The following PUS7L variants were observed in gnomAD, a reference collection of about 807,000 sequenced individuals.
PUS7L encodes pseudouridine synthase 7 like.
A neutral mutation model predicts 51.1 loss-of-function variants in PUS7L; 49 were observed. The ratio of observed to expected loss-of-function variants is 0.96; its 90% CI spans 0.76 to 1.22. The LOEUF (loss-of-function observed/expected upper bound fraction) is 1.22. Among genes scored for constraint, PUS7L ranks in the 50% most tolerant of loss-of-function variants. PUS7L has a pLI of 0.00. For synonymous variants in PUS7L, 277 were observed against 276.2 expected, an observed-to-expected ratio of 1.00 and a Z score of -0.03; for missense variants, 828 against 820.6, an observed-to-expected ratio of 1.01 and a Z score of -0.11.
rs1341635862 is a variant in PUS7L at position 43,730,335 on chromosome 12, CAA to C, written c.*39_*40del. The C allele has an allele frequency of 1.3e-6, 2 of 1,499,378 alleles. No homozygotes were observed. Among genetic ancestry groups the C allele is most frequent in the South Asian group, 2.4e-5 (2 of 84,776 alleles). The allele number at this position is 1,499,378 out of a possible 1,614,324, so 92.9% of individuals were successfully genotyped here. On this transcript the variant is annotated 3_prime_UTR_variant, in exon 9 of 9. Transcript: ENST00000344862. ...TAAGACATTTTAGCCCCCTTTCCTTCAAAGAGTGACATATATATGGTTATACC... is the reference window on the plus strand; with the variant it reads ...TAAGACATTTTAGCCCCCTTTCCTTCAGAGTGACATATATATGGTTATACC...
At chr12:43,737,125 T>C (rs1937648480) in intron 6 of PUS7L, among the ~76,000 whole-genome samples, 1 of 152,206 alleles carries the variant, frequency 6.6e-6, no homozygotes, top group South Asian at 2.1e-4. Context: ...CACACTATTA[T>C]GCCTCACAAA....
intron 4 of PUS7L, among the ~76,000 whole-genome samples, chr12:43,744,001 C>T (rs1048573036): frequency 3.3e-5 from 5 of 152,106 alleles, no homozygotes; most frequent in African/African-American, 1.2e-4. Context: ...ATTCCTTTCT[C>T]ACATCATAAG....
chr12:43,733,759 G>A (rs1236624314), intron 7 of PUS7L, among the ~76,000 whole-genome samples: 2 of 151,926 alleles, frequency 1.3e-5, no homozygotes, highest in Non-Finnish European at 2.9e-5. Context: ...ATCAAAAGGG[G>A]ATCATTGACA....
chr12:43,747,300 T>C (rs1363972863), intron 3 of PUS7L, among the ~76,000 whole-genome samples: 1 of 152,236 alleles, frequency 6.6e-6, no homozygotes, highest in African/African-American at 2.4e-5. Flanking sequence ...GTCTATATGA[T>C]AGACATAATT....
rs148289543 is a variant in PUS7L at position 43,754,476 on chromosome 12, A to G, written c.770T>C (p.Val257Ala). The change falls in exon 2 of 9, where the codon GTG becomes GCG. Residue 257 changes from valine to alanine, a missense_variant. Val to Ala is a moderately conservative substitution (Grantham distance 64, BLOSUM62 0). Coordinates refer to ENST00000344862, the MANE Select transcript of PUS7L (RefSeq NM_031292.5). ...CATTTTAGAAAAAGATTTGGTTTCC[A>G]CAAGGTTTCCAAACTTTTTGTTGAC... ...HFVNKKFGNL[V>A]ETKSFSKMNC... 53 of 1,613,852 alleles carry G rather than the reference A, an allele frequency of 3.3e-5. No homozygotes were observed. In the African/African-American group the frequency reaches 6.9e-4, roughly 21 times the overall value.
rs144555108 is a variant in PUS7L, at chr12:43,738,342, A to G, written c.1412T>C (p.Val471Ala). Residue 471 changes from valine to alanine, a missense_variant, in exon 6 of 9, where the codon GTA becomes GCA. Physicochemically the swap from Val to Ala is moderately conservative, Grantham distance 64. Transcript: ENST00000344862. ...FLTPEDLDDP[V>A]NRAKKYFLQT... ...AAGAAAATACTTCTTTGCTCTATTT[A>G]CAGGATCATCCAAGTCTTCTGGTGT... The G allele has an allele frequency of 1.2e-4, 198 of 1,596,206 alleles. 1 individual carries two copies. The African/African-American group carries it at 2.4e-3, about 20-fold the overall frequency.
chr12:43,722,074 A>G lies in PUS7L; in HGVS notation c.*8302T>C, dbSNP rs535887201. The G allele has an allele frequency of 6.6e-6, 1 of 152,246 alleles. No homozygotes were observed. The highest frequency in any genetic ancestry group is 2.1e-4 in the South Asian group (1 of 4,830). The allele number at this position is 152,246 out of a possible 1,614,324, so 9.4% of individuals were successfully genotyped here. On this transcript the variant is annotated 3_prime_UTR_variant, in exon 9 of 9. Coordinates refer to ENST00000344862, the MANE Select transcript of PUS7L (RefSeq NM_031292.5). ...ACATGTACAAATATTCCAAAATCCAAACATATCTGAAATCTGAAACTTTTA... is the reference window on the plus strand; with the variant it reads ...ACATGTACAAATATTCCAAAATCCAGACATATCTGAAATCTGAAACTTTTA...
chr12:43,742,362 C>A, intron 5 of PUS7L, 95 bp downstream of exon 5: 1 of 791,750 alleles, frequency 1.3e-6, no homozygotes, highest in Non-Finnish European at 2.1e-6. Flanking sequence ...TGTTTACATG[C>A]ATTTATATGC....
intron 2 of PUS7L, 110 bp from the exon 3 acceptor site, chr12:43,748,719 T>C: frequency 1.4e-6 from 1 of 715,096 alleles, no homozygotes; most frequent in Non-Finnish European, 2.1e-6. Flanking sequence ...TAAGGAGTTT[T>C]GTTGTTGTTG....
rs1281143567 is a variant in PUS7L at position 43,754,964 on chromosome 12, G to A, written c.282C>T (p.Tyr94=). 2 of 1,613,568 alleles carry A rather than the reference G, an allele frequency of 1.2e-6. No individual in the cohort carries two copies. Among genetic ancestry groups the A allele is most frequent in the African/African-American group, 1.3e-5 (1 of 74,910 alleles). The change falls in exon 2 of 9, where the codon TAC becomes TAT. Residue 94 remains tyrosine, a synonymous_variant. Coordinates refer to ENST00000344862, the MANE Select transcript of PUS7L (RefSeq NM_031292.5). ...ACTGATGATTTTGGTCACCATCAGT[G>A]TACTTAATCAAAGTATGAACTTCTT... ...RNQEVHTLIK[Y]TDGDQNHQSG...
At chr12:43,757,912 G>A (rs899226521) in intron 1 of PUS7L, among the ~76,000 whole-genome samples, 1 of 152,204 alleles carries the variant, frequency 6.6e-6, no homozygotes, top group East Asian at 1.9e-4. Context: ...GCTGGAAAAT[G>A]TAGCTGAGTT....
intron 8 of PUS7L, 88 bp from the exon 9 acceptor site, chr12:43,730,790 T>A (rs1247771633): frequency 1.2e-6 from 1 of 813,300 alleles, no homozygotes; most frequent in East Asian, 2.6e-5. Context: ...GACTGCGACC[T>A]GGATTTGTAA....
intron 7 of PUS7L, among the ~76,000 whole-genome samples, chr12:43,735,919 G>A (rs555476630): frequency 6.6e-6 from 1 of 152,220 alleles, no homozygotes; most frequent in East Asian, 1.9e-4. Flanking sequence ...TGGGATTACA[G>A]GCGTGCGCTA....
chr12:43,758,667 ACACACAC>A, intron 1 of PUS7L, 56 bp downstream of exon 1: 3 of 423,962 alleles, frequency 7.1e-6, no homozygotes, highest in South Asian at 1.4e-4. Context: ...CCCCCCCCCC[ACACACAC>A]ACACACACAC....
At chr12:43,735,662 G>T (rs1309104886) in intron 7 of PUS7L, among the ~76,000 whole-genome samples, 1 of 151,848 alleles carries the variant, frequency 6.6e-6, no homozygotes, top group East Asian at 1.9e-4. Flanking sequence ...ATATTTATGT[G>T]AAAACATACA....
intron 5 of PUS7L, among the ~76,000 whole-genome samples, chr12:43,740,336 C>T (rs1937835644): frequency 6.6e-6 from 1 of 152,068 alleles, no homozygotes; most frequent in Non-Finnish European, 1.5e-5. Flanking sequence ...TAGGTATCTG[C>T]CACATGCTAG....
At chr12:43,738,477 A>G (rs1937723781) in intron 5 of PUS7L, 86 bp from the exon 6 acceptor site, 5 of 729,004 alleles carry the variant, frequency 6.9e-6, no homozygotes, top group South Asian at 6.5e-5. Flanking sequence ...CTAGCATCCT[A>G]AAAGAATAGG....
chr12:43,752,306 G>T (rs1938492196), intron 2 of PUS7L, among the ~76,000 whole-genome samples: 1 of 152,188 alleles, frequency 6.6e-6, no homozygotes, highest in African/African-American at 2.4e-5. Flanking sequence ...TATCCTCACA[G>T]CATAGCAGCT....
Position 43,746,069 on chromosome 12 carries a change from T to C in PUS7L, c.1240A>G (p.Met414Val). 1 of 1,507,668 alleles carries C rather than the reference T, an allele frequency of 6.6e-7. No individual in the cohort carries two copies. Among genetic ancestry groups the C allele is most frequent in the Non-Finnish European group, 9.1e-7 (1 of 1,096,774 alleles). The allele number at this position is 1,507,668 out of a possible 1,614,324, so 93.4% of individuals were successfully genotyped here. The change falls in exon 4 of 9, where the codon ATG becomes GTG. Residue 414 changes from methionine (M) to valine (V), a missense_variant. Coordinates refer to ENST00000344862, the MANE Select transcript of PUS7L (RefSeq NM_031292.5). ...NDSANLRERIMEAIENVKKKG... is the reference protein window; with the variant it reads ...NDSANLRERIVEAIENVKKKG... ...ACCTTAACATTTTCTATTGCTTCCA[T>C]AATTCTCTCCCTCAGGTTTGCAGAA...
Sources: allele counts gnomAD v4.1 joint callset (sites outside exome capture counted in the v4.1 genomes callset), GRCh38; gene constraint gnomAD v4.1.1; transcripts MANE v1.5; gene names NCBI Gene and HGNC (gene_info 2026-07-23, HGNC 2026-07-21).